LDLRAD4: variants seen among roughly 807,000 people sequenced by gnomAD.
LDLRAD4 encodes the protein low-density lipoprotein receptor class A domain-containing protein 4.
In LDLRAD4, 5 loss-of-function variants were observed where a neutral mutation model predicts 17.0. The ratio of observed to expected loss-of-function variants is 0.29; its 90% CI spans 0.15 to 0.62. The LOEUF (loss-of-function observed/expected upper bound fraction) is 0.62, where lower values mean the gene tolerates loss of function less well. LDLRAD4 is among the 20% of genes least tolerant of loss of function. LDLRAD4 has a pLI of 0.84. For synonymous variants in LDLRAD4, 168 were observed against 171.8 expected (o/e 0.98, Z 0.17); for missense variants, 340 against 424.7 (o/e 0.80, Z 1.75).
In LDLRAD4 at chr18:13,300,883, G is replaced by C. The variant is rs890841096; in HGVS notation, c.-383+22695G>C. Among the ~76,000 whole-genome samples, 1 of 152,364 alleles carries C rather than the reference G, an allele frequency of 6.6e-6. No homozygotes were observed. On this transcript the variant is annotated intron_variant, in intron 1 of 5. Transcript: ENST00000359446. The surrounding 1 kb of genome is among the most constrained non-coding windows in gnomAD (Gnocchi z 4.2). The stretch of plus-strand genomic sequence containing the variant: ...AAGGAAGGGTGGTGAACTGGGAGCC[G>C]GCAGCGCGTCCCAGCGCTGAACCCG...
intron 3 of LDLRAD4, among the ~76,000 whole-genome samples, chr18:13,499,277 CGTCCTTTCGTGG>C (rs2093564379): frequency 7.6e-6 from 1 of 131,478 alleles, no homozygotes; most frequent in Admixed American, 7.5e-5. Context: ...TCGCCACACA[CGTCCTTTCGTGG>C]ACACTGGAGA....
intron 3 of LDLRAD4, among the ~76,000 whole-genome samples, chr18:13,552,834 G>A (rs1017962793): frequency 6.6e-6 from 1 of 152,138 alleles, no homozygotes; most frequent in Non-Finnish European, 1.5e-5. Flanking sequence ...ATTGCCTAGG[G>A]ATCTCCTTTG....
chr18:13,479,627 G>GAAAGAAAAGA lies in LDLRAD4; in HGVS notation c.181+41258_181+41267dup, dbSNP rs142887839. On this transcript the variant is annotated intron_variant, in intron 3 of 5. Coordinates refer to ENST00000359446, the Ensembl canonical transcript of LDLRAD4. ...CAGAGTGAGACTCCATCTAAAAAAAGAAAGAAAAGAAAAGAAAAGAAAAGC... is the reference window on the plus strand; with the variant it reads ...CAGAGTGAGACTCCATCTAAAAAAAGAAAGAAAAGAAAAGAAAAGAAAAGAAAAGAAAAGC... 8.6e-3 allele frequency among the ~76,000 whole-genome samples: 1,291 copies of GAAAGAAAAGA among 150,976 alleles called. 12 individuals carry two copies. The highest frequency in any genetic ancestry group is 0.021 in the Middle Eastern group (6 of 292).
At chr18:13,357,315 C>T (rs2083403653) in intron 1 of LDLRAD4, among the ~76,000 whole-genome samples, 1 of 151,968 alleles carries the variant, frequency 6.6e-6, no homozygotes, top group Admixed American at 6.6e-5. Context: ...TTAAGTGATC[C>T]TTCTGCCTTA....
chr18:13,624,132 G>A (rs1173214274), intron 4 of LDLRAD4, among the ~76,000 whole-genome samples: 1 of 152,118 alleles, frequency 6.6e-6, no homozygotes, highest in Non-Finnish European at 1.5e-5. Flanking sequence ...GGATGTGAGC[G>A]GTGCTGAGGC....
chr18:13,634,774 A>AC, intron 4 of LDLRAD4, among the ~76,000 whole-genome samples: 1 of 111,346 alleles, frequency 9.0e-6, no homozygotes, highest in Non-Finnish European at 1.9e-5. Flanking sequence ...CAATAATCTC[A>AC]AAAAAAAAAA....
chr18:13,316,573 C>T (rs916603196), intron 1 of LDLRAD4, among the ~76,000 whole-genome samples: 11 of 152,220 alleles, frequency 7.2e-5, no homozygotes, highest in Non-Finnish European at 1.3e-4. Flanking sequence ...ACAGCGACTA[C>T]CTGTCACCAG....
intron 3 of LDLRAD4, among the ~76,000 whole-genome samples, chr18:13,452,460 G>A: frequency 6.6e-6 from 1 of 152,118 alleles, no homozygotes; most frequent in Admixed American, 6.5e-5. Context: ...ACCCCTGTGA[G>A]CAAGTCTCTG....
chr18:13,429,747 A>C (rs1017117165), intron 2 of LDLRAD4, among the ~76,000 whole-genome samples: 2 of 152,202 alleles, frequency 1.3e-5, no homozygotes, highest in Non-Finnish European at 1.5e-5. Context: ...CCTCCCCTGC[A>C]TGCAGACCTG....
chr18:13,634,499 T>C (rs1307884044), intron 4 of LDLRAD4, among the ~76,000 whole-genome samples: 2 of 152,176 alleles, frequency 1.3e-5, no homozygotes, highest in Non-Finnish European at 2.9e-5. Context: ...CTTAGAAATA[T>C]ACTTACCCAA....
At chr18:13,310,612 G>C (rs1028768487) in intron 1 of LDLRAD4, among the ~76,000 whole-genome samples, 2 of 152,012 alleles carry the variant, frequency 1.3e-5, no homozygotes, top group African/African-American at 4.8e-5. Context: ...ACCCCTACCC[G>C]CCCCTTCACC....
chr18:13,435,437 T>G (rs1371962277), intron 2 of LDLRAD4, among the ~76,000 whole-genome samples: 1 of 152,122 alleles, frequency 6.6e-6, no homozygotes, highest in African/African-American at 2.4e-5. Context: ...TTTTATAAAT[T>G]TGATTTTTTT....
intron 3 of LDLRAD4, among the ~76,000 whole-genome samples, chr18:13,493,899 G>A (rs2147143779): frequency 6.6e-6 from 1 of 152,336 alleles, no homozygotes; most frequent in African/African-American, 2.4e-5. Context: ...TCCCATCTGT[G>A]TGCGGGGCCA....
At chr18:13,283,212 T>G (rs546601373) in intron 1 of LDLRAD4, among the ~76,000 whole-genome samples, 13 of 152,342 alleles carry the variant, frequency 8.5e-5, no homozygotes, top group African/African-American at 3.1e-4. Flanking sequence ...GTCTTGGAGA[T>G]TAACATTAGG....
At chr18:13,396,139 A>G (rs1023221478) in intron 2 of LDLRAD4, among the ~76,000 whole-genome samples, 1 of 152,236 alleles carries the variant, frequency 6.6e-6, no homozygotes, top group Non-Finnish European at 1.5e-5. Context: ...AATAGTCCGT[A>G]TGGGAGTATG....
intron 1 of LDLRAD4, among the ~76,000 whole-genome samples, chr18:13,229,831 C>T (rs2041984532): frequency 6.6e-6 from 1 of 152,296 alleles, no homozygotes; most frequent in African/African-American, 2.4e-5. Context: ...CAGGTGTGCC[C>T]ACGGTTGCCA....
intron 3 of LDLRAD4, among the ~76,000 whole-genome samples, chr18:13,603,009 A>G (rs1568393049): frequency 6.6e-6 from 1 of 152,192 alleles, no homozygotes; most frequent in African/African-American, 2.4e-5. Flanking sequence ...AAACAGTGAA[A>G]AAGAAAAGTG....
At chr18:13,434,567 T>A (rs933003835) in intron 2 of LDLRAD4, among the ~76,000 whole-genome samples, 2 of 152,194 alleles carry the variant, frequency 1.3e-5, no homozygotes, top group Non-Finnish European at 2.9e-5. Flanking sequence ...AACATATTTT[T>A]AAAAATTTTC....
intron 3 of LDLRAD4, among the ~76,000 whole-genome samples, chr18:13,552,621 C>T (rs929448983): frequency 2.0e-5 from 3 of 152,196 alleles, no homozygotes; most frequent in African/African-American, 7.2e-5. Flanking sequence ...CACTTCCTAA[C>T]GACGGGGAGA....
Sources: gnomAD v4.1 joint callset for allele counts (sites outside exome capture counted in the v4.1 genomes callset) on GRCh38, gnomAD v4.1.1 for gene constraint, Gnocchi (gnomAD v3.1) non-coding constraint, MANE v1.5 for transcripts, NCBI Gene and HGNC (gene_info 2026-07-23, HGNC 2026-07-21) for gene names.